Variants in SHCBP1 observed in about 807,000 individuals in gnomAD.
SHCBP1 encodes the protein SHC SH2 domain-binding protein 1.
Under a neutral mutation model 75.1 loss-of-function variants are expected in SHCBP1, and 60 were observed. The observed-to-expected ratio is 0.80, with a 90% confidence interval of 0.65 to 0.99. The LOEUF (loss-of-function observed/expected upper bound fraction) is 0.99, where lower values mean the gene tolerates loss of function less well. Ranked by LOEUF, SHCBP1 falls within the 50% of genes least tolerant of loss-of-function variation. The pLI is 0.00. For synonymous variants in SHCBP1, 290 were observed against 293.2 expected, an observed-to-expected ratio of 0.99 and a Z score of 0.11; for missense variants, 709 against 809.4, an observed-to-expected ratio of 0.88 and a Z score of 1.50.
chr16:46,588,700 A>C (rs1196830780), intron 10 of SHCBP1, among the ~76,000 whole-genome samples: 1 of 152,258 alleles, frequency 6.6e-6, no homozygotes, highest in Non-Finnish European at 1.5e-5. Context: ...AATCAAAAAA[A>C]GTCTAGGACC....
Sources: gnomAD v4.1 joint callset for allele counts (sites outside exome capture counted in the v4.1 genomes callset) on GRCh38, gnomAD v4.1.1 for gene constraint, MANE v1.5 for transcripts, NCBI Gene and HGNC (gene_info 2026-07-23, HGNC 2026-07-21) for gene names.